MTPAP: variants seen among roughly 807,000 people sequenced by gnomAD.
MTPAP encodes the protein mitochondrial poly(A) polymerase.
Under a neutral mutation model 48.7 loss-of-function variants are expected in MTPAP, and 23 were observed. That is an observed-to-expected ratio of 0.47 (90% CI 0.34 to 0.67). MTPAP has a LOEUF of 0.67. Among genes scored for constraint, MTPAP ranks in the 30% least tolerant of loss-of-function variants. MTPAP has a pLI of 0.01. For missense variants in MTPAP, 614 were observed against 694.3 expected, an observed-to-expected ratio of 0.88 and a Z score of 1.30; for synonymous variants, 257 against 254.1, an observed-to-expected ratio of 1.01 and a Z score of -0.11.
intron 6 of MTPAP, 131 bp downstream of exon 6, chr10:30,322,260 A>G: frequency 1.3e-6 from 1 of 795,902 alleles, no homozygotes; most frequent in Non-Finnish European, 2.1e-6. Context: ...TGACTCCGGT[A>G]GACTTTAAAA....
chr10:30,324,691 A>T (rs1271023518), intron 5 of MTPAP, among the ~76,000 whole-genome samples: 1 of 152,202 alleles, frequency 6.6e-6, no homozygotes, highest in Non-Finnish European at 1.5e-5. Context: ...ACTGTCTCTA[A>T]AACTGTCTTT....
At chr10:30,322,225 T>G (rs1840733675) in intron 6 of MTPAP, among the ~76,000 whole-genome samples, 166 bp downstream of exon 6, 2 of 152,176 alleles carry the variant, frequency 1.3e-5, no homozygotes, top group Admixed American at 1.3e-4. Flanking sequence ...CTAAAGGCCC[T>G]AGCTTCCCAA....
chr10:30,335,971 T>C (rs766485515), intron 4 of MTPAP, among the ~76,000 whole-genome samples: 6 of 151,784 alleles, frequency 4.0e-5, no homozygotes, highest in Non-Finnish European at 8.8e-5. Flanking sequence ...GATTGCACCA[T>C]TGCACTCCAG....
At chr10:30,332,716 G>A (rs1028356649) in intron 4 of MTPAP, among the ~76,000 whole-genome samples, 1 of 152,210 alleles carries the variant, frequency 6.6e-6, no homozygotes, top group Non-Finnish European at 1.5e-5. Context: ...CAGGTGCAGT[G>A]GCTCACACCT....
At chr10:30,323,147 A>AAAAAG (rs1840745696) in intron 5 of MTPAP, among the ~76,000 whole-genome samples, 1 of 148,782 alleles carries the variant, frequency 6.7e-6, no homozygotes, top group African/African-American at 2.5e-5. Context: ...AAAAAAAAAA[A>AAAAAG]AAAGAAAGAA....
At position 30,315,566 on chromosome 10, in the gene MTPAP, T is replaced by C. The variant is rs1023945051; in HGVS notation, c.1386+397A>G. On this transcript the variant is annotated intron_variant, in intron 8 of 8. Coordinates refer to ENST00000263063, the MANE Select transcript of MTPAP (RefSeq NM_018109.4). ...AACACCTAAATCCTAAGGGCTCAAA[T>C]TGAGGGAATCACTGAAATCTATCTT... Among the ~76,000 whole-genome samples, 8 of 150,112 alleles carry C rather than the reference T, an allele frequency of 5.3e-5. 2 individuals carry two copies. The East Asian group carries it at 1.4e-3, about 26-fold the overall frequency.
chr10:30,331,198 C>T lies in MTPAP; in HGVS notation c.781-4563G>A, dbSNP rs78386993. Among the ~76,000 whole-genome samples, 8 of 152,280 alleles carry T rather than the reference C, an allele frequency of 5.3e-5. No individual in the cohort carries two copies. The East Asian group carries it at 1.5e-3, about 29-fold the overall frequency. ...ATTAAATAAATAAAAACTAGAAAAA[C>T]TGTTCACAGACAGTTAGATCCATAA... On this transcript the variant is annotated intron_variant, in intron 4 of 8. Coordinates refer to ENST00000263063, the MANE Select transcript of MTPAP (RefSeq NM_018109.4).
At chr10:30,340,079 C>T (rs985268216) in intron 3 of MTPAP, 147 bp downstream of exon 3, 10 of 732,376 alleles carry the variant, frequency 1.4e-5, no homozygotes, top group East Asian at 2.7e-5. Context: ...TCCACCACCA[C>T]GATTCATCTC....
chr10:30,311,973 C>T lies in MTPAP; in HGVS notation c.*1636G>A, dbSNP rs1289892829. On this transcript the variant is annotated 3_prime_UTR_variant, in exon 9 of 9. Coordinates refer to ENST00000263063, the MANE Select transcript of MTPAP (RefSeq NM_018109.4). ...ATCAGCCTGGCCAACATGGTGAAAC[C>T]CTGTCCCTACTAAAACTACAAAAAT... The T allele has an allele frequency of 6.6e-6, 1 of 152,258 alleles. No homozygotes were observed. Among genetic ancestry groups the T allele is most frequent in the Admixed American group, 6.5e-5 (1 of 15,274 alleles). The allele number at this position is 152,258 out of a possible 1,614,324, so 9.4% of individuals were successfully genotyped here.
chr10:30,316,028 G>A lies in MTPAP; in HGVS notation c.1321C>T (p.Leu441=). 6.2e-7 allele frequency: 1 copy of A among 1,611,510 alleles called. No homozygotes were observed. Among genetic ancestry groups the A allele is most frequent in the Non-Finnish European group, 8.5e-7 (1 of 1,178,160 alleles). The change falls in exon 8 of 9, where the codon CTG becomes TTG. Residue 441 remains leucine (L), a synonymous_variant. Transcript: ENST00000263063. ...SQNTETLELL[L]KEFFEYFGNF... ...CCAAAATACTCAAAAAATTCCTTCAGTAGTAATTCTGTAAGAAAATAAAAC... is the reference window on the plus strand; with the variant it reads ...CCAAAATACTCAAAAAATTCCTTCAATAGTAATTCTGTAAGAAAATAAAAC...
chr10:30,314,913 A>G (rs1297578949), intron 8 of MTPAP, among the ~76,000 whole-genome samples: 1 of 151,420 alleles, frequency 6.6e-6, no homozygotes, highest in East Asian at 1.9e-4. Context: ...AAAGAAGAGA[A>G]AAGAAAAAGA....
At chr10:30,328,345 G>A (rs777864957) in intron 4 of MTPAP, among the ~76,000 whole-genome samples, 2 of 152,226 alleles carry the variant, frequency 1.3e-5, no homozygotes, top group Non-Finnish European at 2.9e-5. Context: ...ATACACTGTT[G>A]ATGGGAGTGT....
At chr10:30,314,116 T>A in intron 8 of MTPAP, 145 bp from the exon 9 acceptor site, 1 of 967,732 alleles carries the variant, frequency 1.0e-6, no homozygotes, top group Non-Finnish European at 1.6e-6. Flanking sequence ...GGGGATTGAG[T>A]ATGTATGCAT....
rs1834750304 is a variant in MTPAP at position 30,338,107 on chromosome 10, T to A, written c.556-1080A>T. Among the ~76,000 whole-genome samples the A allele has an allele frequency of 2.2e-5, 3 of 138,254 alleles. No homozygotes were observed. In the South Asian group the frequency reaches 6.9e-4, roughly 32 times the overall value. The allele number at this position is 138,254 out of a possible 152,430, so 90.7% of individuals were successfully genotyped here. On this transcript the variant is annotated intron_variant, in intron 3 of 8. Transcript: ENST00000263063. ...ACCCTGACTCTACCAAAAAAAAAAA[T>A]ACAAAAACTAGCTGGGCATGGTGGA... is the stretch of plus-strand genomic sequence containing the variant.
At position 30,335,762 on chromosome 10, in the gene MTPAP, C is replaced by T. The variant is rs112904483; in HGVS notation, c.780+1041G>A. 3.2e-3 allele frequency among the ~76,000 whole-genome samples: 483 copies of T among 152,226 alleles called. 1 individual carries two copies. The highest frequency in any genetic ancestry group is 0.011 in the African/African-American group (456 of 41,536). ...AAGTGGCCCATGCCTGTAATCCCAG[C>T]ACTTTAGGAGGCCGAGGGGTGTGGA... On this transcript the variant is annotated intron_variant, in intron 4 of 8. Transcript: ENST00000263063.
At chr10:30,332,377 C>T (rs982685730) in intron 4 of MTPAP, among the ~76,000 whole-genome samples, 1 of 152,170 alleles carries the variant, frequency 6.6e-6, no homozygotes, top group Non-Finnish European at 1.5e-5. Context: ...ACTGCAACCT[C>T]TGCCTCACCG....
At chr10:30,340,592 G>A (rs1016256707) in intron 2 of MTPAP, 142 bp from the exon 3 acceptor site, 2 of 746,736 alleles carry the variant, frequency 2.7e-6, no homozygotes, top group Admixed American at 4.4e-5. Flanking sequence ...TTCTAACATA[G>A]CATTAATTTT....
At chr10:30,314,235 C>A (rs1025986554) in intron 8 of MTPAP, among the ~76,000 whole-genome samples, 10 of 151,130 alleles carry the variant, frequency 6.6e-5, no homozygotes, top group African/African-American at 2.4e-4. Context: ...ATGATGATGT[C>A]ATTGCTCAGA....
In MTPAP at chr10:30,313,483, A is replaced by C. The variant is rs549663716; in HGVS notation, c.*126T>G. 8.9e-6 allele frequency: 12 copies of C among 1,343,754 alleles called. No homozygotes were observed. Among genetic ancestry groups the C allele is most frequent in the African/African-American group, 1.4e-5 (1 of 69,416 alleles). The allele number at this position is 1,343,754 out of a possible 1,614,324, so 83.2% of individuals were successfully genotyped here. On this transcript the variant is annotated 3_prime_UTR_variant, in exon 9 of 9. Transcript: ENST00000263063. The stretch of plus-strand genomic sequence containing the variant: ...TCAGACCAGGTTAAGGGGGCCAATG[A>C]GAAGATCATGAAAAGTGACATCAGA...
Sources: allele counts gnomAD v4.1 joint callset (sites outside exome capture counted in the v4.1 genomes callset), GRCh38; gene constraint gnomAD v4.1.1; transcripts MANE v1.5; gene names NCBI Gene and HGNC (gene_info 2026-07-23, HGNC 2026-07-21).